Variants in ATXN2L observed in about 807,000 individuals in gnomAD.
The protein encoded by ATXN2L is ataxin-2-like protein.
Under a neutral mutation model 120.7 loss-of-function variants are expected in ATXN2L, and 24 were observed. The ratio of observed to expected loss-of-function variants is 0.20; its 90% confidence interval spans 0.14 to 0.28. The LOEUF (loss-of-function observed/expected upper bound fraction) is 0.28, where lower values mean the gene tolerates loss of function less well. Ranked by LOEUF, ATXN2L falls within the 10% of genes least tolerant of loss-of-function variation. The pLI, the probability that ATXN2L is intolerant of heterozygous loss-of-function variation, is 1.00. For synonymous variants in ATXN2L, 653 were observed against 568.1 expected (o/e 1.15, Z -2.13); for missense variants, 1,312 against 1,432.3 (o/e 0.92, Z 1.36).
rs369364394 is a variant in ATXN2L at position 28,825,047 on chromosome 16, T to C, written c.300-319T>C. Among the ~76,000 whole-genome samples, 71 of 140,462 alleles carry C rather than the reference T, an allele frequency of 5.1e-4. No individual in the cohort carries two copies. In the East Asian group the frequency reaches 0.012, roughly 24 times the overall value. The allele number at this position is 140,462 out of a possible 152,430, so 92.1% of individuals were successfully genotyped here. A position where few individuals can be genotyped will look rare whatever the true frequency, so the allele number is the denominator to read the frequency against. Reference sequence around the variant, plus strand: ...CAACACAGATGGGAAATCCCATCTCTACTAAAAATTAAAAAAAAAAAAAGC... The same window carrying C: ...CAACACAGATGGGAAATCCCATCTCCACTAAAAATTAAAAAAAAAAAAAGC... On this transcript the variant is annotated intron_variant, in intron 1 of 21. Transcript: ENST00000336783.
chr16:28,829,996 G>C lies in ATXN2L; in HGVS notation c.972G>C (p.Glu324Asp). 2 of 1,614,226 alleles carry C rather than the reference G, an allele frequency of 1.2e-6. No individual in the cohort carries two copies. Among genetic ancestry groups the C allele is most frequent in the South Asian group, 1.1e-5 (1 of 91,088 alleles). Residue 324 changes from glutamate (E) to aspartate (D), a missense_variant, in exon 8 of 22, where the codon GAG (glutamate) becomes GAC (aspartate). By Grantham distance (45) the Glu-to-Asp change is conservative. Transcript: ENST00000336783. ...AGAACGACGATGGGCGCACTGAAGA[G>C]GAGAAGCACAGTGCAGTCCAGCGGC... ...AMENDDGRTEEEKHSAVQRQG... is the reference protein window; with the variant it reads ...AMENDDGRTEDEKHSAVQRQG...
rs1335380239 is a variant in ATXN2L at position 28,823,619 on chromosome 16, C to T, written c.299+61C>T. 32 of 1,265,184 alleles carry T rather than the reference C, an allele frequency of 2.5e-5. No homozygotes were observed. The South Asian group carries it at 3.2e-4, about 13-fold the overall frequency. The allele number at this position is 1,265,184 out of a possible 1,614,324, so 78.4% of individuals were successfully genotyped here. Reference sequence around the variant, plus strand: ...CCACCCAGAGGCTGTGGCTCGGTTCCGGTGGGGCGGACCCCGACCCGGCAC... The same window carrying T: ...CCACCCAGAGGCTGTGGCTCGGTTCTGGTGGGGCGGACCCCGACCCGGCAC... On this transcript the variant is annotated intron_variant, in intron 1 of 21. Coordinates refer to ENST00000336783, the MANE Select transcript of ATXN2L (RefSeq NM_007245.4).
At chr16:28,831,788 G>T (rs1173575392) in intron 10 of ATXN2L, among the ~76,000 whole-genome samples, 2 of 152,204 alleles carry the variant, frequency 1.3e-5, no homozygotes, top group Non-Finnish European at 2.9e-5. Flanking sequence ...CGAGGCTGAG[G>T]TGGGGGGAAT....
At position 28,825,739 on chromosome 16, in the gene ATXN2L, G is replaced by C. The variant is rs200160775; in HGVS notation, c.394-31G>C. On this transcript the variant is annotated intron_variant, in intron 3 of 21. Transcript: ENST00000336783. ...GAACGTAATGCATCTACTTTCTGGA[G>C]ACACTCTTCTTATTTTTCCCACTCT... 64 of 1,613,536 alleles carry C rather than the reference G, an allele frequency of 4.0e-5. No individual in the cohort carries two copies. The East Asian group carries it at 1.4e-3, about 35-fold the overall frequency.
In ATXN2L at chr16:28,836,067, G is replaced by T; in HGVS notation, c.3030G>T (p.Val1010=). ...AAGGCGCGGTGCCCCAGAGTGGGGTGCCTGCACTCTCAGCTTCCACACCCT... is the reference window on the plus strand; with the variant it reads ...AAGGCGCGGTGCCCCAGAGTGGGGTTCCTGCACTCTCAGCTTCCACACCCT... ...PPQGAVPQSG[V]PALSASTPSP... Residue 1010 remains valine, a synonymous_variant, in exon 22 of 22, where the codon GTG becomes GTT. Coordinates refer to ENST00000336783, the MANE Select transcript of ATXN2L (RefSeq NM_007245.4). The T allele has an allele frequency of 1.2e-6, 2 of 1,610,708 alleles. No individual in the cohort carries two copies. The highest frequency in any genetic ancestry group is 1.7e-6 in the Non-Finnish European group (2 of 1,177,468).
chr16:28,829,682 C>G (rs1486836424), intron 7 of ATXN2L, 176 bp from the exon 8 acceptor site: 4 of 771,734 alleles, frequency 5.2e-6, no homozygotes, highest in Admixed American at 2.5e-5. Flanking sequence ...TTCTCACATT[C>G]CCAGATAAGC....
Position 28,825,787 on chromosome 16 carries a change from A to G in ATXN2L, c.411A>G (p.Val137=), listed in dbSNP as rs760148723. The change falls in exon 4 of 22, where the codon GTA becomes GTG. Residue 137 remains valine (V), a synonymous_variant. Coordinates refer to ENST00000336783, the MANE Select transcript of ATXN2L (RefSeq NM_007245.4). The part of the protein sequence containing the change: ...LTAVVGSTCD[V]KVKNGTTYEG... Reference sequence around the variant, plus strand: ...TCTGCCAGGGCTCCACTTGTGATGTAAAGGTGAAAAATGGTACCACTTATG... The same window carrying G: ...TCTGCCAGGGCTCCACTTGTGATGTGAAGGTGAAAAATGGTACCACTTATG... 6.2e-7 allele frequency: 1 copy of G among 1,614,058 alleles called. No homozygotes were observed. The highest frequency in any genetic ancestry group is 8.5e-7 in the Non-Finnish European group (1 of 1,179,946).
At chr16:28,824,960 G>C (rs576331847) in intron 1 of ATXN2L, among the ~76,000 whole-genome samples, 1 of 151,950 alleles carries the variant, frequency 6.6e-6, no homozygotes, top group Admixed American at 6.6e-5. Context: ...TGTAATGCCA[G>C]CACTTTAGGA....
In ATXN2L at chr16:28,836,189, T is replaced by G. The variant is rs757979450; in HGVS notation, c.3152T>G (p.Leu1051Ter). 9.3e-6 allele frequency: 15 copies of G among 1,613,824 alleles called. No individual in the cohort carries two copies. Among genetic ancestry groups the G allele is most frequent in the Non-Finnish European group, 1.2e-5 (14 of 1,179,958 alleles). ...GATGACAGGATTCGTGAGTTCTCAT[T>G]AGCTGGGGGAATTTGGCATGGAAGA... Reference protein sequence around the residue: ...GADDRIREFSLAGGIWHGRAE... With the variant: ...GADDRIREFS The change falls in exon 22 of 22, where the codon TTA becomes TGA. Residue 1051 changes from leucine to a stop codon, truncating the protein, a stop_gained. Transcript: ENST00000336783. LOFTEE classifies it high-confidence loss of function.
Position 28,836,634 on chromosome 16 carries a change from A to G in ATXN2L, c.*369A>G. On this transcript the variant is annotated 3_prime_UTR_variant, in exon 22 of 22. Transcript: ENST00000336783. ...CCTTGAGGAGGCCGCTCCTTCCCAGACACACCCCCACGCCCCCACTGGACG... is the reference window on the plus strand; with the variant it reads ...CCTTGAGGAGGCCGCTCCTTCCCAGGCACACCCCCACGCCCCCACTGGACG... The G allele has an allele frequency of 6.2e-7, 1 of 1,607,012 alleles. No individual in the cohort carries two copies. Among genetic ancestry groups the G allele is most frequent in the East Asian group, 2.2e-5 (1 of 44,772 alleles).
chr16:28,836,516 TG>T lies in ATXN2L; in HGVS notation c.*255del. ...GTCAGTGCAGCAGACAGGGCCAGACTGGGGTGTGGGGGGCTGAGCTGGGCAC... is the reference window on the plus strand; with the variant it reads ...GTCAGTGCAGCAGACAGGGCCAGACTGGGTGTGGGGGGCTGAGCTGGGCAC... On this transcript the variant is annotated 3_prime_UTR_variant, in exon 22 of 22. Coordinates refer to ENST00000336783, the MANE Select transcript of ATXN2L (RefSeq NM_007245.4). 2 of 1,598,410 alleles carry T rather than the reference TG, an allele frequency of 1.3e-6. No homozygotes were observed. The highest frequency in any genetic ancestry group is 8.5e-7 in the Non-Finnish European group (1 of 1,173,070).
At chr16:28,829,811 T>C in intron 7 of ATXN2L, 47 bp from the exon 8 acceptor site, 1 of 1,594,976 alleles carries the variant, frequency 6.3e-7, no homozygotes, top group Non-Finnish European at 8.6e-7. Flanking sequence ...TTTTCCTCTT[T>C]TGTCCCCTGG....
intron 1 of ATXN2L, chr16:28,824,366 T>A: frequency 9.8e-6 from 12 of 1,230,548 alleles, no homozygotes; most frequent in Non-Finnish European, 1.3e-5. Flanking sequence ...AGGTGGGGGT[T>A]CGGAAAGTCC....
rs977534567 is a variant in ATXN2L, at chr16:28,833,624, T to C, written c.2025+116T>C. ...CCAGGACCACTTGCCTGGCAGGCAGTGTGAGGAGATGTCATAAAAATGTAA... is the reference window on the plus strand; with the variant it reads ...CCAGGACCACTTGCCTGGCAGGCAGCGTGAGGAGATGTCATAAAAATGTAA... On this transcript the variant is annotated intron_variant, in intron 15 of 21. Transcript: ENST00000336783. 3.0e-5 allele frequency: 32 copies of C among 1,066,242 alleles called. 1 individual carries two copies. Among genetic ancestry groups the C allele is most frequent in the South Asian group, 2.7e-4 (20 of 73,142 alleles). The allele number at this position is 1,066,242 out of a possible 1,614,324, so 66.0% of individuals were successfully genotyped here.
chr16:28,830,666 A>G lies in ATXN2L; in HGVS notation c.1086A>G (p.Gly362=). ...LPQRVREGPR[G]GVRCSSSRGG... Reference sequence around the variant, plus strand: ...AACGAGTCCGGGAAGGTCCCCGGGGAGGAGTTCGATGCAGCAGCTCTCGGG... The same window carrying G: ...AACGAGTCCGGGAAGGTCCCCGGGGGGGAGTTCGATGCAGCAGCTCTCGGG... The change falls in exon 9 of 22, where the codon GGA becomes GGG. Residue 362 remains glycine, a synonymous_variant. Transcript: ENST00000336783. 6.2e-7 allele frequency: 1 copy of G among 1,612,316 alleles called. No homozygotes were observed. The highest frequency in any genetic ancestry group is 1.1e-5 in the South Asian group (1 of 90,888).
Position 28,836,519 on chromosome 16 carries a change from G to C in ATXN2L, c.*254G>C, listed in dbSNP as rs377179483. Reference sequence around the variant, plus strand: ...AGTGCAGCAGACAGGGCCAGACTGGGGTGTGGGGGGCTGAGCTGGGCACAT... The same window carrying C: ...AGTGCAGCAGACAGGGCCAGACTGGCGTGTGGGGGGCTGAGCTGGGCACAT... On this transcript the variant is annotated 3_prime_UTR_variant, in exon 22 of 22. Transcript: ENST00000336783. 3.1e-6 allele frequency: 5 copies of C among 1,597,318 alleles called. No homozygotes were observed. The African/African-American group carries it at 6.7e-5, about 21-fold the overall frequency.
At chr16:28,824,030 G>A in intron 1 of ATXN2L, 1 of 906,688 alleles carries the variant, frequency 1.1e-6, no homozygotes, top group Non-Finnish European at 1.3e-6. Context: ...GGAGCGGGTT[G>A]CTGCCTCCCC....
rs1371644920 is a variant in ATXN2L at position 28,824,870 on chromosome 16, A to G, written c.300-496A>G. The stretch of plus-strand genomic sequence containing the variant: ...TTGGAGGAAATGTGTTTGCTGGCTT[A>G]TTAATGTCTATTTTTTTCTTCCTCT... On this transcript the variant is annotated intron_variant, in intron 1 of 21. Transcript: ENST00000336783. 2.0e-5 allele frequency among the ~76,000 whole-genome samples: 3 copies of G among 152,210 alleles called. No individual in the cohort carries two copies. The South Asian group carries it at 6.2e-4, about 32-fold the overall frequency.
chr16:28,829,618 TCCTACTCTG>T, intron 7 of ATXN2L, 126 bp downstream of exon 7: 1 of 802,144 alleles, frequency 1.2e-6, no homozygotes, highest in Admixed American at 2.3e-5. Context: ...CCATCCCTAC[TCCTACTCTG>T]CCTTGTGGAA....
Sources: gnomAD v4.1 joint callset for allele counts (sites outside exome capture counted in the v4.1 genomes callset) on GRCh38, gnomAD v4.1.1 for gene constraint, MANE v1.5 for transcripts, NCBI Gene and HGNC (gene_info 2026-07-23, HGNC 2026-07-21) for gene names.